The following RIMS2 variants were observed in gnomAD, a reference collection of about 807,000 sequenced individuals.
RIMS2 encodes the protein regulating synaptic membrane exocytosis 2.
RIMS2 carries 59 observed loss-of-function variants against 174.4 expected under a neutral mutation model. That is an observed-to-expected ratio of 0.34 (90% CI 0.27 to 0.42). RIMS2 has a LOEUF of 0.42. Ranked by LOEUF, RIMS2 falls within the 10% of genes least tolerant of loss-of-function variation. The pLI, the probability that RIMS2 is intolerant of heterozygous loss-of-function variation, is 1.00. For missense variants in RIMS2, 1,620 were observed against 1,666.3 expected (o/e 0.97, Z 0.48); for synonymous variants, 606 against 572.5 (o/e 1.06, Z -0.84).
intron 19 of RIMS2, among the ~76,000 whole-genome samples, chr8:104,076,976 C>G (rs1041319073): frequency 1.3e-5 from 2 of 151,982 alleles, no homozygotes; most frequent in African/African-American, 4.8e-5. Context: ...GCCACCACAC[C>G]CAGCTAATTT....
chr8:103,994,243 T>C (rs760664584), intron 17 of RIMS2, among the ~76,000 whole-genome samples: 66 of 152,054 alleles, frequency 4.3e-4, no homozygotes, highest in Middle Eastern at 3.2e-3. Flanking sequence ...ATTATAAATA[T>C]AATTTTGTGT....
At chr8:104,114,092 T>C (rs540189014) in intron 19 of RIMS2, among the ~76,000 whole-genome samples, 49 of 152,194 alleles carry the variant, frequency 3.2e-4, no homozygotes, top group African/African-American at 1.2e-3. Flanking sequence ...TGTTCTGATA[T>C]TAGAATTCCT....
At chr8:104,058,546 T>G (rs1025042727) in intron 19 of RIMS2, among the ~76,000 whole-genome samples, 12 of 150,174 alleles carry the variant, frequency 8.0e-5, no homozygotes, top group African/African-American at 2.9e-4. Context: ...GTAGTTTCTT[T>G]TGCTGTGCAG....
rs149685674 is a variant in RIMS2 at position 104,039,987 on chromosome 8, G to A, written c.3334+25372G>A. Among the ~76,000 whole-genome samples the A allele has an allele frequency of 7.3e-5, 11 of 151,664 alleles. No homozygotes were observed. In the East Asian group the frequency reaches 2.1e-3, roughly 29 times the overall value. Reference sequence around the variant, plus strand: ...TAAAAATGATATTAAATTTCCAAATGTCATTTCTTTTCCAGTTTTCTATAA... The same window carrying A: ...TAAAAATGATATTAAATTTCCAAATATCATTTCTTTTCCAGTTTTCTATAA... On this transcript the variant is annotated intron_variant, in intron 19 of 23. Transcript: ENST00000504942.
chr8:104,160,508 T>C (rs2098754530), intron 19 of RIMS2, among the ~76,000 whole-genome samples: 1 of 152,212 alleles, frequency 6.6e-6, no homozygotes, highest in African/African-American at 2.4e-5. Flanking sequence ...CATTATTGTT[T>C]ATGGAAATAA....
At chr8:104,076,225 T>G (rs916498185) in intron 19 of RIMS2, among the ~76,000 whole-genome samples, 2 of 152,164 alleles carry the variant, frequency 1.3e-5, no homozygotes, top group Admixed American at 6.5e-5. Flanking sequence ...AATGGTTATA[T>G]AGCCTAATTA....
At chr8:103,555,296 G>A (rs1053623489) in intron 1 of RIMS2, among the ~76,000 whole-genome samples, 1 of 152,116 alleles carries the variant, frequency 6.6e-6, no homozygotes, top group African/African-American at 2.4e-5. Context: ...TCAGGGAAAT[G>A]CAAATTAAAC....
chr8:103,797,756 G>A (rs549587786), intron 3 of RIMS2, among the ~76,000 whole-genome samples: 1 of 152,230 alleles, frequency 6.6e-6, no homozygotes, highest in Non-Finnish European at 1.5e-5. Flanking sequence ...GCTTTAACCT[G>A]TCACATTCTA....
intron 19 of RIMS2, among the ~76,000 whole-genome samples, chr8:104,082,272 G>A (rs561086484): frequency 1.3e-5 from 2 of 152,026 alleles, no homozygotes; most frequent in Non-Finnish European, 2.9e-5. Context: ...GAGGAAGGCA[G>A]GCTAGCATAT....
intron 3 of RIMS2, among the ~76,000 whole-genome samples, chr8:103,876,085 T>C (rs889606292): frequency 3.3e-5 from 5 of 152,054 alleles, no homozygotes; most frequent in African/African-American, 4.8e-5. Context: ...ATTATTTATT[T>C]TGCTGTGCAG....
chr8:103,886,964 G>A (rs1392270744), intron 4 of RIMS2, among the ~76,000 whole-genome samples: 1 of 151,540 alleles, frequency 6.6e-6, no homozygotes, highest in Non-Finnish European at 1.5e-5. Context: ...TACATCTCTT[G>A]AGTATTTCAA....
At chr8:103,502,577 A>G (rs1267571621) in intron 1 of RIMS2, among the ~76,000 whole-genome samples, 1 of 152,138 alleles carries the variant, frequency 6.6e-6, no homozygotes, top group Non-Finnish European at 1.5e-5. Flanking sequence ...TACTCTAACT[A>G]ATAGAAGAAT....
intron 17 of RIMS2, among the ~76,000 whole-genome samples, chr8:104,010,081 C>T (rs1005627518): frequency 1.3e-5 from 2 of 152,194 alleles, no homozygotes; most frequent in East Asian, 3.9e-4. Flanking sequence ...GTTCCCACTA[C>T]TAGAGGGAAA....
At chr8:104,122,338 G>A (rs908767286) in intron 19 of RIMS2, among the ~76,000 whole-genome samples, 2 of 152,240 alleles carry the variant, frequency 1.3e-5, no homozygotes, top group South Asian at 4.2e-4. Flanking sequence ...AAGTGCTAGG[G>A]TTAGGGTAGG....
chr8:103,828,340 T>C (rs995370831), intron 3 of RIMS2, among the ~76,000 whole-genome samples: 1 of 152,180 alleles, frequency 6.6e-6, no homozygotes, highest in Non-Finnish European at 1.5e-5. Context: ...TGTGTGAAAA[T>C]CTTGATAAAG....
At chr8:103,507,104 A>G (rs1181474814) in intron 1 of RIMS2, among the ~76,000 whole-genome samples, 1 of 152,112 alleles carries the variant, frequency 6.6e-6, no homozygotes, top group South Asian at 2.1e-4. Context: ...ATTCTGAAGT[A>G]TGGTTATTGA....
downstream of RIMS2, chr8:104,253,371 CTGTT>C (rs1306373326): frequency 1.3e-5 from 2 of 152,096 alleles, no homozygotes; most frequent in Non-Finnish European, 2.9e-5. Flanking sequence ...AAACACAGGG[CTGTT>C]TATTAATTCA....
chr8:103,922,352 T>C (rs1386579609), intron 10 of RIMS2, among the ~76,000 whole-genome samples: 1 of 152,008 alleles, frequency 6.6e-6, no homozygotes, highest in Non-Finnish European at 1.5e-5. Context: ...TGATCCCTGA[T>C]TTGAACATTT....
chr8:104,160,218 A>G (rs1269315947), intron 19 of RIMS2, among the ~76,000 whole-genome samples: 1 of 152,136 alleles, frequency 6.6e-6, no homozygotes, highest in African/African-American at 2.4e-5. Flanking sequence ...CCATCAGACT[A>G]TAAATTTCTT....
Sources: gnomAD v4.1 joint callset for allele counts (sites outside exome capture counted in the v4.1 genomes callset) on GRCh38, gnomAD v4.1.1 for gene constraint, MANE v1.5 for transcripts, NCBI Gene and HGNC (gene_info 2026-07-23, HGNC 2026-07-21) for gene names.